The following DOP1B variants were observed in gnomAD, a reference collection of about 807,000 sequenced individuals.
DOP1B encodes the protein protein DOP1B.
A neutral mutation model predicts 233.5 loss-of-function variants in DOP1B; 174 were observed. The observed-to-expected ratio is 0.75, with a 90% CI of 0.66 to 0.85. DOP1B has a LOEUF of 0.85. DOP1B is among the 40% of genes least tolerant of loss of function. DOP1B has a pLI of 0.00. For missense variants in DOP1B, 2,652 were observed against 2,846.6 expected, an observed-to-expected ratio of 0.93 and a Z score of 1.56; for synonymous variants, 1,190 against 1,185.6, an observed-to-expected ratio of 1.00 and a Z score of -0.08.
chr21:36,268,815 G>A (rs762769738), intron 26 of DOP1B, among the ~76,000 whole-genome samples: 1 of 151,782 alleles, frequency 6.6e-6, no homozygotes, highest in Non-Finnish European at 1.5e-5. Flanking sequence ...GATTACAGGC[G>A]TGCACCACCA....
At chr21:36,182,394 G>T (rs770887608) in intron 2 of DOP1B, among the ~76,000 whole-genome samples, 4 of 152,164 alleles carry the variant, frequency 2.6e-5, no homozygotes, top group Admixed American at 6.5e-5. Flanking sequence ...CCTTGGCAGG[G>T]ATTAATTTCG....
chr21:36,284,521 G>A (rs1037920119), intron 32 of DOP1B, among the ~76,000 whole-genome samples: 1 of 151,736 alleles, frequency 6.6e-6, no homozygotes. Flanking sequence ...CACCTGCCTC[G>A]GCCTCCCAAA....
intron 10 of DOP1B, 127 bp downstream of exon 10, chr21:36,219,619 T>C (rs967706689): frequency 3.4e-5 from 45 of 1,322,608 alleles, no homozygotes; most frequent in Non-Finnish European, 4.4e-5. Flanking sequence ...GGTGAGACCA[T>C]TGGTGAAAAT....
chr21:36,185,289 CTG>C (rs938127073), intron 2 of DOP1B, among the ~76,000 whole-genome samples: 2 of 152,000 alleles, frequency 1.3e-5, no homozygotes, highest in Admixed American at 1.3e-4. Context: ...AAGGTGTAGA[CTG>C]TGTTCTGAAG....
chr21:36,210,595 A>G (rs112766941), intron 5 of DOP1B, among the ~76,000 whole-genome samples: 98 of 152,282 alleles, frequency 6.4e-4, no homozygotes, highest in African/African-American at 2.3e-3. Context: ...CAGTGAGCTA[A>G]GATTGCACCA....
chr21:36,228,236 G>A (rs888526474), intron 13 of DOP1B, among the ~76,000 whole-genome samples: 1 of 152,060 alleles, frequency 6.6e-6, no homozygotes, highest in African/African-American at 2.4e-5. Flanking sequence ...GCTGAGGCGG[G>A]TGGATCTCCT....
intron 2 of DOP1B, chr21:36,169,553 G>T (rs1049178452): frequency 1.8e-6 from 2 of 1,113,862 alleles, no homozygotes; most frequent in African/African-American, 3.1e-5. Context: ...CAGCCCAAAC[G>T]CTTGGTTCAC....
chr21:36,171,195 C>T (rs1459726527), intron 2 of DOP1B, among the ~76,000 whole-genome samples: 2 of 152,210 alleles, frequency 1.3e-5, no homozygotes, highest in Non-Finnish European at 2.9e-5. Context: ...AGCCTCCAGC[C>T]TTCTTCATGT....
At position 36,236,101 on chromosome 21, in the gene DOP1B, A is replaced by G. The variant is rs144173245; in HGVS notation, c.2623-1161A>G. ...AAAATACTCCAGTCTATGAGATATA[A>G]ACTTCATATAGTCTATGAAGTATAA... is the stretch of plus-strand genomic sequence containing the variant. On this transcript the variant is annotated intron_variant, in intron 15 of 36. Coordinates refer to ENST00000691173, the MANE Select transcript of DOP1B (RefSeq NM_001320714.2). Among the ~76,000 whole-genome samples the G allele has an allele frequency of 4.6e-3, 700 of 152,342 alleles. 4 individuals carry two copies. Among genetic ancestry groups the G allele is most frequent in the African/African-American group, 0.016 (665 of 41,578 alleles).
At chr21:36,169,508 C>A in intron 2 of DOP1B, 1 of 1,117,312 alleles carries the variant, frequency 9.0e-7, no homozygotes, top group South Asian at 1.3e-5. Flanking sequence ...GTAGCCTTTG[C>A]CCTTGGTCAC....
chr21:36,283,038 TC>T (rs1172881900), intron 32 of DOP1B, among the ~76,000 whole-genome samples: 2 of 150,942 alleles, frequency 1.3e-5, no homozygotes, highest in Non-Finnish European at 3.0e-5. Flanking sequence ...TTTTTTTTTT[TC>T]CTTCTCATAA....
At chr21:36,278,894 G>C (rs904177225) in intron 30 of DOP1B, among the ~76,000 whole-genome samples, 6 of 151,704 alleles carry the variant, frequency 4.0e-5, no homozygotes, top group African/African-American at 1.5e-4. Flanking sequence ...CAGAACTTGG[G>C]GTTCCAGTGA....
At chr21:36,198,920 A>G in intron 2 of DOP1B, 150 bp from the exon 3 acceptor site, 1 of 777,876 alleles carries the variant, frequency 1.3e-6, no homozygotes. Context: ...GACTCTCGCC[A>G]TGCAGTCCCT....
At chr21:36,225,285 A>G (rs904984552) in intron 11 of DOP1B, among the ~76,000 whole-genome samples, 1 of 150,582 alleles carries the variant, frequency 6.6e-6, no homozygotes, top group Admixed American at 6.7e-5. Flanking sequence ...GCTGGAGTGC[A>G]GTGGTGCGAT....
rs764797226 is a variant in DOP1B, at chr21:36,234,552, C to CT, written c.2622+1489dup. On this transcript the variant is annotated intron_variant, in intron 15 of 36. Transcript: ENST00000691173. ...TTGCCTGGCACTAGAGCATACTTTTCTTTTTTTTTTTTCCTTGAGACAGAG... is the reference window on the plus strand; with the variant it reads ...TTGCCTGGCACTAGAGCATACTTTTCTTTTTTTTTTTTTCCTTGAGACAGAG... Among the ~76,000 whole-genome samples the CT allele has an allele frequency of 3.5e-3, 500 of 144,414 alleles. 4 individuals are homozygous for CT. Among genetic ancestry groups the CT allele is most frequent in the South Asian group, 7.2e-3 (33 of 4,590 alleles). 94.7% of individuals were successfully genotyped at this position (144,414 alleles called of 152,430 possible).
chr21:36,159,260 T>C (rs1181741205), intron 1 of DOP1B, among the ~76,000 whole-genome samples: 1 of 152,084 alleles, frequency 6.6e-6, no homozygotes, highest in Non-Finnish European at 1.5e-5. Context: ...GAGACCAGGC[T>C]GACCAACATG....
chr21:36,202,080 G>A (rs544640482), intron 4 of DOP1B, among the ~76,000 whole-genome samples: 1 of 152,232 alleles, frequency 6.6e-6, no homozygotes, highest in African/African-American at 2.4e-5. Context: ...CCAGCTACTT[G>A]GGAGGCTGAG....
At chr21:36,204,447 C>A (rs758409514) in intron 4 of DOP1B, among the ~76,000 whole-genome samples, 52 of 152,088 alleles carry the variant, frequency 3.4e-4, no homozygotes, top group Non-Finnish European at 5.9e-4. Flanking sequence ...GTGGAGGAAA[C>A]AAATGGACCC....
chr21:36,272,759 C>T (rs954447307), intron 27 of DOP1B, among the ~76,000 whole-genome samples: 23 of 151,236 alleles, frequency 1.5e-4, no homozygotes, highest in Non-Finnish European at 2.9e-4. Context: ...CCGAGGTGGG[C>T]GGATCACCTG....
Sources: gnomAD v4.1 joint callset for allele counts (sites outside exome capture counted in the v4.1 genomes callset) on GRCh38, gnomAD v4.1.1 for gene constraint, MANE v1.5 for transcripts, NCBI Gene and HGNC (gene_info 2026-07-23, HGNC 2026-07-21) for gene names.